Variants in SYT17 observed in about 807,000 individuals in gnomAD.
SYT17 encodes the protein synaptotagmin 17, also known as synaptotagmin-17.
In SYT17, 22 loss-of-function variants were observed where a neutral mutation model predicts 46.7. That is an observed-to-expected ratio of 0.47 (90% confidence interval 0.34 to 0.67). The LOEUF (loss-of-function observed/expected upper bound fraction) is 0.67, where lower values mean the gene tolerates loss of function less well. Among genes scored for constraint, SYT17 ranks in the 30% least tolerant of loss-of-function variants. SYT17 has a pLI of 0.01. For synonymous variants in SYT17, 251 were observed against 248.4 expected, an observed-to-expected ratio of 1.01 and a Z score of -0.10; for missense variants, 519 against 612.8, an observed-to-expected ratio of 0.85 and a Z score of 1.62.
intron 5 of SYT17, among the ~76,000 whole-genome samples, chr16:19,195,505 C>T (rs1371068990): frequency 4.0e-5 from 6 of 151,470 alleles, no homozygotes; most frequent in African/African-American, 1.2e-4. Flanking sequence ...CACCTGAGGT[C>T]AGGAGTTCAA....
At chr16:19,235,941 A>G (rs1480256869) in intron 7 of SYT17, among the ~76,000 whole-genome samples, 1 of 152,188 alleles carries the variant, frequency 6.6e-6, no homozygotes, top group African/African-American at 2.4e-5. Flanking sequence ...CTATGGAGAA[A>G]TATCAAAAAG....
At position 19,262,328 on chromosome 16, in the gene SYT17, C is replaced by G. The variant is rs77866709; in HGVS notation, c.1229-4552C>G. On this transcript the variant is annotated intron_variant, in intron 7 of 7. Coordinates refer to ENST00000355377, the MANE Select transcript of SYT17 (RefSeq NM_016524.4). ...ACCCAAGAGAACTGTCTTGCTGCTT[C>G]TATTGCATGAGAAGGCACCACCTAT... is the stretch of plus-strand genomic sequence containing the variant. Among the ~76,000 whole-genome samples the G allele has an allele frequency of 3.3e-3, 495 of 152,298 alleles. 4 individuals are homozygous for G. Among genetic ancestry groups the G allele is most frequent in the African/African-American group, 0.011 (461 of 41,560 alleles).
intron 7 of SYT17, among the ~76,000 whole-genome samples, chr16:19,259,956 G>T (rs1025275405): frequency 6.6e-6 from 1 of 152,204 alleles, no homozygotes; most frequent in South Asian, 2.1e-4. Flanking sequence ...CATGTAAGAG[G>T]TACATTGGTT....
At position 19,209,832 on chromosome 16, in the gene SYT17, C is replaced by T. The variant is rs942808207; in HGVS notation, c.952-13213C>T. On this transcript the variant is annotated intron_variant, in intron 5 of 7. Coordinates refer to ENST00000355377, the MANE Select transcript of SYT17 (RefSeq NM_016524.4). ...GGCGGAACTTGCAGTGAGCTGAGAT[C>T]GTGCCACTGCACTCCAGCCTGGGAG... Among the ~76,000 whole-genome samples the T allele has an allele frequency of 4.0e-5, 6 of 151,866 alleles. No individual in the cohort carries two copies. In the South Asian group the frequency reaches 1.0e-3, roughly 26 times the overall value.
chr16:19,251,669 G>C (rs957069271), intron 7 of SYT17, among the ~76,000 whole-genome samples: 5 of 152,096 alleles, frequency 3.3e-5, no homozygotes, highest in African/African-American at 1.2e-4. Flanking sequence ...AAGCCACCAG[G>C]GTGGGAGGAA....
chr16:19,184,058 T>G lies in SYT17; in HGVS notation c.862T>G (p.Cys288Gly), dbSNP rs1163927129. ...VVDFDKFSRHCVIGKVSVPLC... is the reference protein window; with the variant it reads ...VVDFDKFSRHGVIGKVSVPLC... ...GGATTTTGATAAGTTCTCCCGCCAC[T>G]GTGTCATTGGGAAAGTTTCTGTGCC... is the stretch of plus-strand genomic sequence containing the variant. Residue 288 changes from cysteine to glycine, a missense_variant, in exon 5 of 8, where the codon TGT becomes GGT. Physicochemically the swap from Cys to Gly is radical, Grantham distance 159 (BLOSUM62 -3). Transcript: ENST00000355377. 2 of 1,614,072 alleles carry G rather than the reference T, an allele frequency of 1.2e-6. No individual in the cohort carries two copies. The highest frequency in any genetic ancestry group is 1.7e-6 in the Non-Finnish European group (2 of 1,180,042).
At chr16:19,252,750 A>G (rs1378345369) in intron 7 of SYT17, among the ~76,000 whole-genome samples, 2 of 151,256 alleles carry the variant, frequency 1.3e-5, no homozygotes, top group Non-Finnish European at 2.9e-5. Flanking sequence ...GCTACACATT[A>G]GGGTCACTGG....
intron 5 of SYT17, among the ~76,000 whole-genome samples, chr16:19,188,866 T>G (rs1964895429): frequency 6.6e-6 from 1 of 152,190 alleles, no homozygotes. Flanking sequence ...TGGACATTTT[T>G]GCCCTGTGTG....
chr16:19,185,647 T>C (rs1964757732), intron 5 of SYT17, among the ~76,000 whole-genome samples: 3 of 151,398 alleles, frequency 2.0e-5, no homozygotes, highest in African/African-American at 7.3e-5. Flanking sequence ...AGCCATTTGG[T>C]GACGTGCAGA....
intron 2 of SYT17, 31 bp from the exon 3 acceptor site, chr16:19,173,389 CTCTCCCCCAT>C: frequency 8.3e-6 from 4 of 479,670 alleles, no homozygotes; most frequent in African/African-American, 2.0e-5. Context: ...CCCACCTCCC[CTCTCCCCCAT>C]CCCCCCGCCC....
Position 19,168,702 on chromosome 16 carries a change from G to A in SYT17, c.15+41G>A. On this transcript the variant is annotated intron_variant, in intron 1 of 7. Transcript: ENST00000355377. This position sits in a 1 kb window ranked among gnomAD's most constrained non-coding sequence, Gnocchi z 6.9. ...GGGGCAAGGTCCGGGGTGCGGGTAGGGGGTGCCGCGCCCCCTCCGGCTGGG... is the reference window on the plus strand; with the variant it reads ...GGGGCAAGGTCCGGGGTGCGGGTAGAGGGTGCCGCGCCCCCTCCGGCTGGG... The A allele has an allele frequency of 2.8e-6, 4 of 1,450,382 alleles. No individual in the cohort carries two copies. Among genetic ancestry groups the A allele is most frequent in the Non-Finnish European group, 2.7e-6 (3 of 1,097,444 alleles). 89.8% of individuals were successfully genotyped at this position (1,450,382 alleles called of 1,614,324 possible).
At chr16:19,171,979 A>C (rs1272438624) in intron 1 of SYT17, 1 of 152,202 alleles carries the variant, frequency 6.6e-6, no homozygotes, top group Non-Finnish European at 1.5e-5. Flanking sequence ...AAAGATAATA[A>C]CTTTCTCCCT....
intron 7 of SYT17, among the ~76,000 whole-genome samples, chr16:19,239,946 G>A (rs1039941325): frequency 1.3e-5 from 2 of 152,208 alleles, no homozygotes; most frequent in African/African-American, 2.4e-5. Context: ...CATGGGTGCC[G>A]GCTCACTGCG....
rs75412258 is a variant in SYT17, at chr16:19,253,391, TA to T, written c.1229-13479del. ...GGCAGCAAAGTGAGACCCTGAATAT[TA>T]AAAAAAAAATTTTTTAAAATAGTTT... On this transcript the variant is annotated intron_variant, in intron 7 of 7. Transcript: ENST00000355377. 6.3e-4 allele frequency among the ~76,000 whole-genome samples: 96 copies of T among 152,042 alleles called. 1 individual carries two copies. Among genetic ancestry groups the T allele is most frequent in the East Asian group, 1.9e-3 (10 of 5,170 alleles).
chr16:19,188,888 C>A (rs1331747942), intron 5 of SYT17, among the ~76,000 whole-genome samples: 1 of 152,104 alleles, frequency 6.6e-6, no homozygotes, highest in Admixed American at 6.6e-5. Context: ...GTCTGTGTCT[C>A]TTCTCTTCTT....
At chr16:19,231,664 C>T (rs1005674788) in intron 7 of SYT17, among the ~76,000 whole-genome samples, 5 of 151,258 alleles carry the variant, frequency 3.3e-5, no homozygotes, top group South Asian at 2.1e-4. Flanking sequence ...GCTTGCTGGC[C>T]GCCTGTTATG....
At chr16:19,265,851 C>A (rs1451996905) in intron 7 of SYT17, among the ~76,000 whole-genome samples, 1 of 152,162 alleles carries the variant, frequency 6.6e-6, no homozygotes, top group Non-Finnish European at 1.5e-5. Flanking sequence ...AACAGAGAAG[C>A]CTTTCAAAGA....
chr16:19,249,275 A>AAAATAAAT (rs71375627), intron 7 of SYT17, among the ~76,000 whole-genome samples: 8,094 of 145,262 alleles, frequency 0.056, 261 homozygotes, highest in South Asian at 0.078. Flanking sequence ...CGCCGTCTCA[A>AAAATAAAT]AAATAAATAA....
intron 7 of SYT17, chr16:19,249,795 T>C: frequency 1.4e-6 from 1 of 716,360 alleles, no homozygotes; most frequent in South Asian, 2.5e-5. Context: ...CAGGCCCTGG[T>C]TGGTGTTTCT....
Sources: allele counts gnomAD v4.1 joint callset (sites outside exome capture counted in the v4.1 genomes callset), GRCh38; gene constraint gnomAD v4.1.1; non-coding constraint Gnocchi (gnomAD v3.1); transcripts MANE v1.5; gene names NCBI Gene and HGNC (gene_info 2026-07-23, HGNC 2026-07-21).